RMDN1: variants seen among roughly 807,000 people sequenced by gnomAD.
RMDN1 encodes regulator of microtubule dynamics protein 1.
A neutral mutation model predicts 48.9 loss-of-function variants in RMDN1; 48 were observed. The ratio of observed to expected loss-of-function variants is 0.98; its 90% CI spans 0.78 to 1.25. RMDN1 has a LOEUF of 1.25. Ranked by LOEUF, RMDN1 falls within the 50% of genes most tolerant of loss-of-function variation. The probability of loss-of-function intolerance (pLI) is 0.00; values close to 1 mark genes in which losing one functional copy is unlikely to be tolerated. For synonymous variants in RMDN1, 148 were observed against 132.6 expected (o/e 1.12, Z -0.80); for missense variants, 418 against 373.4 (o/e 1.12, Z -0.98).
At chr8:86,471,922 T>G (rs1308308755), downstream of RMDN1, among the ~76,000 whole-genome samples, 1 of 152,174 alleles carries the variant, frequency 6.6e-6, no homozygotes, top group East Asian at 1.9e-4. Flanking sequence ...GATGGAAAGA[T>G]TAGCAACAAA....
chr8:86,495,502 T>C (rs1309748307), intron 2 of RMDN1, among the ~76,000 whole-genome samples: 5 of 152,164 alleles, frequency 3.3e-5, no homozygotes, highest in Non-Finnish European at 4.4e-5. Context: ...CATACTCCTC[T>C]AGGTGGTCTT....
rs145482306 is a variant in RMDN1 at position 86,499,152 on chromosome 8, GA to G, written c.247+7842del. 4.7e-4 allele frequency among the ~76,000 whole-genome samples: 72 copies of G among 152,252 alleles called. 2 individuals are homozygous for G. Among genetic ancestry groups the G allele is most frequent in the African/African-American group, 1.6e-3 (65 of 41,544 alleles). On this transcript the variant is annotated intron_variant, in intron 2 of 9. Transcript: ENST00000406452. ...CTGGAAGCATTCTCCTTGAAAAATG[GA>G]ACAAGACAAGGATGCCCACTCTTAC...
At chr8:86,504,738 A>G (rs1030687537) in intron 2 of RMDN1, 9 of 1,011,422 alleles carry the variant, frequency 8.9e-6, no homozygotes, top group African/African-American at 1.6e-5. Flanking sequence ...TTCCTGGTTT[A>G]TTGTGGCCGA....
Position 86,488,601 on chromosome 8 carries a change from T to G in RMDN1, c.286A>C (p.Ser96Arg). The G allele has an allele frequency of 1.2e-6, 2 of 1,611,324 alleles. No homozygotes were observed. The highest frequency in any genetic ancestry group is 1.1e-5 in the South Asian group (1 of 90,738). ...ILEQADYLYE[S>R]GETEKLYQLL... ...TGATAAAGTTTTTCTGTTTCTCCGC[T>G]TTCATACAGGTAGTCTGCTTGTTCA... is the stretch of plus-strand genomic sequence containing the variant. Residue 96 changes from serine (S) to arginine (R), a missense_variant, in exon 3 of 10, where the codon AGC (serine) becomes CGC (arginine). Physicochemically the swap from Ser to Arg is moderately radical, Grantham distance 110. Coordinates refer to ENST00000406452, the MANE Select transcript of RMDN1 (RefSeq NM_016033.3).
In RMDN1 at chr8:86,475,548, CT is replaced by C. The variant is rs1223652770; in HGVS notation, c.761-596del. On this transcript the variant is annotated intron_variant, in intron 8 of 9. Coordinates refer to ENST00000406452, the MANE Select transcript of RMDN1 (RefSeq NM_016033.3). ...AGGAATGCTTTACTAGATATACAAA[CT>C]TTGAACTGCTACAAGAAACCAAAAA... Among the ~76,000 whole-genome samples, 7 of 151,744 alleles carry C rather than the reference CT, an allele frequency of 4.6e-5. No homozygotes were observed. The East Asian group carries it at 1.4e-3, about 29-fold the overall frequency.
upstream of RMDN1, among the ~76,000 whole-genome samples, chr8:86,510,448 G>A (rs190993273): frequency 2.6e-5 from 4 of 151,446 alleles, no homozygotes; most frequent in African/African-American, 4.9e-5. Context: ...TCTTTAAATC[G>A]TCAGCCTTGG....
chr8:86,484,706 G>A (rs1417790851), intron 5 of RMDN1, 166 bp downstream of exon 5: 10 of 416,910 alleles, frequency 2.4e-5, no homozygotes, highest in African/African-American at 1.2e-4. Context: ...TGACAAGAGC[G>A]AAACTCCGTC....
At chr8:86,470,046 A>G (rs184864854), downstream of RMDN1, 915 of 533,600 alleles carry the variant, frequency 1.7e-3, 5 homozygotes, top group Non-Finnish European at 2.0e-3. Flanking sequence ...CTCAGTTGAG[A>G]TAACTTGGCC....
chr8:86,480,976 T>G (rs1220547437), intron 5 of RMDN1, among the ~76,000 whole-genome samples: 1 of 152,158 alleles, frequency 6.6e-6, no homozygotes, highest in Non-Finnish European at 1.5e-5. Context: ...TATGTGAATA[T>G]AAACTACAGA....
At chr8:86,468,993 T>A (rs1028374853), downstream of RMDN1, among the ~76,000 whole-genome samples, 1 of 152,056 alleles carries the variant, frequency 6.6e-6, no homozygotes, top group African/African-American at 2.4e-5. Context: ...AGAGACAGGT[T>A]TATATTGCTA....
Position 86,474,235 on chromosome 8 carries a change from C to T in RMDN1, c.*73G>A. The T allele has an allele frequency of 1.9e-6, 3 of 1,598,746 alleles. No individual in the cohort carries two copies. The South Asian group carries it at 3.4e-5, about 18-fold the overall frequency. On this transcript the variant is annotated 3_prime_UTR_variant, in exon 10 of 10. Coordinates refer to ENST00000406452, the MANE Select transcript of RMDN1 (RefSeq NM_016033.3). ...AAAAAGCCGTAGAACAGTTATAGTT[C>T]ATATATTAAGTTTAGAATTAAAAGA...
At chr8:86,485,104 T>C (rs1815241514) in intron 4 of RMDN1, 143 bp from the exon 5 acceptor site, 1 of 527,434 alleles carries the variant, frequency 1.9e-6, no homozygotes, top group Non-Finnish European at 3.3e-6. Context: ...TGTAATGGAA[T>C]ATATAAAGAG....
Position 86,486,569 on chromosome 8 carries a change from T to G in RMDN1, c.410A>C (p.Glu137Ala), listed in dbSNP as rs771200041. The change falls in exon 4 of 10, where the codon GAG (glutamate) becomes GCG (alanine). Residue 137 changes from glutamate (E) to alanine (A), a missense_variant. Transcript: ENST00000406452. Reference sequence around the variant, plus strand: ...TTCATACACCAATAGCTTTTTCTCCTCTTCTGAGGTTCTGCTAAGCTGAGC... The same window carrying G: ...TTCATACACCAATAGCTTTTTCTCCGCTTCTGAGGTTCTGCTAAGCTGAGC... ...DVAQLSRTSEEEKKLLVYEAL... is the reference protein window; with the variant it reads ...DVAQLSRTSEAEKKLLVYEAL... 1 of 1,613,074 alleles carries G rather than the reference T, an allele frequency of 6.2e-7. No individual in the cohort carries two copies. Among genetic ancestry groups the G allele is most frequent in the Middle Eastern group, 1.7e-4 (1 of 6,060 alleles).
intron 2 of RMDN1, among the ~76,000 whole-genome samples, chr8:86,499,942 A>C (rs1442315853): frequency 6.6e-6 from 1 of 152,220 alleles, no homozygotes; most frequent in Non-Finnish European, 1.5e-5. Flanking sequence ...TGGAGAAAAG[A>C]ATCCCTATTC....
At chr8:86,469,129 GTTGT>G (rs1326064362), downstream of RMDN1, among the ~76,000 whole-genome samples, 4 of 151,248 alleles carry the variant, frequency 2.6e-5, no homozygotes, top group African/African-American at 7.3e-5. Context: ...GATCAGTTTA[GTTGT>G]TTGTCTTCCA....
intron 2 of RMDN1, among the ~76,000 whole-genome samples, chr8:86,505,707 G>A (rs1319538724): frequency 6.6e-6 from 1 of 152,142 alleles, no homozygotes; most frequent in Non-Finnish European, 1.5e-5. Flanking sequence ...ATTGGAGGGA[G>A]GTGTTTAAAG....
chr8:86,488,521 C>A, intron 3 of RMDN1, 31 bp downstream of exon 3: 2 of 1,398,172 alleles, frequency 1.4e-6, no homozygotes, highest in African/African-American at 1.5e-5. Flanking sequence ...TTGAGGAAAC[C>A]ACAAGCCTAG....
At position 86,474,918 on chromosome 8, in the gene RMDN1, A is replaced by G; in HGVS notation, c.796T>C (p.Leu266=). The change falls in exon 9 of 10, where the codon TTA becomes CTA. Residue 266 remains leucine, a synonymous_variant. Transcript: ENST00000406452. The part of the protein sequence containing the change: ...PNFYSKNLLL[L]GKTYLKLHNK... ...TGTAGTTTCAAGTATGTCTTTCCTAAAAGAAGTAAGTTTTTGCTGTAGAAG... is the reference window on the plus strand; with the variant it reads ...TGTAGTTTCAAGTATGTCTTTCCTAGAAGAAGTAAGTTTTTGCTGTAGAAG... The G allele has an allele frequency of 8.1e-6, 13 of 1,611,198 alleles. No individual in the cohort carries two copies. The highest frequency in any genetic ancestry group is 1.1e-5 in the Non-Finnish European group (13 of 1,179,210).
Position 86,490,009 on chromosome 8 carries a change from A to G in RMDN1, c.248-1370T>C, listed in dbSNP as rs192716612. 2.1e-3 allele frequency among the ~76,000 whole-genome samples: 318 copies of G among 151,084 alleles called. 3 individuals are homozygous for G. Among genetic ancestry groups the G allele is most frequent in the Non-Finnish European group, 3.2e-3 (219 of 67,990 alleles). On this transcript the variant is annotated intron_variant, in intron 2 of 9. Coordinates refer to ENST00000406452, the MANE Select transcript of RMDN1 (RefSeq NM_016033.3). Reference sequence around the variant, plus strand: ...AAACCCCTAAAATTAAATAAAGATTATTTTTCTCAGTAATCCCACTTCATT... The same window carrying G: ...AAACCCCTAAAATTAAATAAAGATTGTTTTTCTCAGTAATCCCACTTCATT...
Sources: gnomAD v4.1 joint callset for allele counts (sites outside exome capture counted in the v4.1 genomes callset) on GRCh38, gnomAD v4.1.1 for gene constraint, MANE v1.5 for transcripts, NCBI Gene and HGNC (gene_info 2026-07-23, HGNC 2026-07-21) for gene names.